HGD: variants seen among roughly 807,000 people sequenced by gnomAD.
The protein encoded by HGD is homogentisate 1,2-dioxygenase.
A neutral mutation model predicts 60.8 loss-of-function variants in HGD; 61 were observed. The ratio of observed to expected loss-of-function variants is 1.00; its 90% confidence interval spans 0.82 to 1.24. HGD has a LOEUF of 1.24. Ranked by LOEUF, HGD falls within the 50% of genes most tolerant of loss-of-function variation. The pLI is 0.00. For missense variants in HGD, 542 were observed against 547.1 expected, an observed-to-expected ratio of 0.99 and a Z score of 0.09; for synonymous variants, 212 against 187.7, an observed-to-expected ratio of 1.13 and a Z score of -1.06.
intron 11 of HGD, among the ~76,000 whole-genome samples, chr3:120,640,328 A>T (rs891700555): frequency 2.0e-5 from 3 of 152,160 alleles, no homozygotes; most frequent in Admixed American, 2.0e-4. Context: ...ATCAAAGTGC[A>T]CAGAGATTTT....
chr3:120,644,451 A>G lies in HGD; in HGVS notation c.650-8T>C, dbSNP rs1941095861. ...TGGCCAAGCCATTGGCCCCTAGAAA[A>G]CAGTAACCCAAAAGTCTTTTAGAAA... On this transcript the variant is annotated splice_region_variant and splice_polypyrimidine_tract_variant and intron_variant, in intron 9 of 13. Coordinates refer to ENST00000283871, the MANE Select transcript of HGD (RefSeq NM_000187.4). 6.2e-7 allele frequency: 1 copy of G among 1,613,942 alleles called. No homozygotes were observed. Among genetic ancestry groups the G allele is most frequent in the African/African-American group, 1.3e-5 (1 of 74,914 alleles).
chr3:120,653,418 G>C (rs895572372), intron 4 of HGD, among the ~76,000 whole-genome samples: 1 of 152,142 alleles, frequency 6.6e-6, no homozygotes, highest in Non-Finnish European at 1.5e-5. Context: ...TTCATGGAGC[G>C]ACCCGCACCC....
intron 4 of HGD, among the ~76,000 whole-genome samples, chr3:120,659,937 A>ACG (rs1941608767): frequency 9.9e-6 from 1 of 101,030 alleles, no homozygotes; most frequent in Non-Finnish European, 2.4e-5. Context: ...CAGGAGCAAG[A>ACG]GAGAGTGGGG....
intron 6 of HGD, among the ~76,000 whole-genome samples, chr3:120,648,442 T>G (rs1941232795): frequency 6.6e-6 from 1 of 152,244 alleles, no homozygotes; most frequent in Non-Finnish European, 1.5e-5. Flanking sequence ...GTCATAGGGC[T>G]GTGATCTTGT....
At chr3:120,641,445 C>G (rs1466513800) in intron 11 of HGD, 144 bp downstream of exon 11, 1 of 694,158 alleles carries the variant, frequency 1.4e-6, no homozygotes, top group African/African-American at 1.8e-5. Context: ...TTATTTACTC[C>G]CTCACCAAAG....
At chr3:120,669,483 A>G (rs186138781) in intron 4 of HGD, among the ~76,000 whole-genome samples, 4 of 148,588 alleles carry the variant, frequency 2.7e-5, no homozygotes, top group South Asian at 4.2e-4. Context: ...ACACACACAC[A>G]CACGCAGACT....
At chr3:120,671,081 G>T (rs1180957167) in intron 3 of HGD, among the ~76,000 whole-genome samples, 1 of 152,114 alleles carries the variant, frequency 6.6e-6, no homozygotes, top group East Asian at 1.9e-4. Context: ...AAGGTAAATG[G>T]CACCTTCGTC....
intron 11 of HGD, among the ~76,000 whole-genome samples, chr3:120,640,217 G>A (rs1359165469): frequency 3.5e-5 from 5 of 144,848 alleles, no homozygotes; most frequent in Non-Finnish European, 7.6e-5. Flanking sequence ...AAAAAAGAAA[G>A]GAAGGACGTG....
intron 11 of HGD, 77 bp from the exon 12 acceptor site, chr3:120,638,658 A>T (rs574281428): frequency 6.5e-7 from 1 of 1,536,098 alleles, no homozygotes; most frequent in African/African-American, 1.4e-5. Flanking sequence ...TCATGCATAC[A>T]TGAAGGTGTT....
At chr3:120,680,764 G>C (rs995306134) in intron 1 of HGD, among the ~76,000 whole-genome samples, 4 of 152,154 alleles carry the variant, frequency 2.6e-5, no homozygotes, top group African/African-American at 9.7e-5. Context: ...AAATTTGGCT[G>C]ACACAGTTTT....
chr3:120,647,991 T>A (rs1404702991), intron 6 of HGD, 80 bp from the exon 7 acceptor site: 4 of 1,147,184 alleles, frequency 3.5e-6, no homozygotes, highest in Non-Finnish European at 5.3e-6. Flanking sequence ...AAATCATTGT[T>A]TAGTGCCTAT....
intron 4 of HGD, among the ~76,000 whole-genome samples, chr3:120,661,701 G>A (rs1373306421): frequency 1.3e-5 from 2 of 152,208 alleles, no homozygotes; most frequent in African/African-American, 4.8e-5. Context: ...GAAGTGAAAT[G>A]TAAGTTGATG....
intron 12 of HGD, 141 bp downstream of exon 12, chr3:120,638,314 C>A: frequency 2.0e-6 from 2 of 1,013,436 alleles, no homozygotes; most frequent in Non-Finnish European, 3.1e-6. Flanking sequence ...GGGATCAGCA[C>A]TAGGCCTTGT....
chr3:120,638,256 G>A (rs1324743131), intron 12 of HGD, among the ~76,000 whole-genome samples, 199 bp downstream of exon 12: 7 of 152,116 alleles, frequency 4.6e-5, no homozygotes, highest in South Asian at 4.1e-4. Flanking sequence ...TTATAGCAAC[G>A]AAGAATGGAC....
intron 4 of HGD, among the ~76,000 whole-genome samples, chr3:120,666,639 C>T (rs1431354406): frequency 2.0e-5 from 3 of 152,100 alleles, no homozygotes; most frequent in Admixed American, 6.5e-5. Flanking sequence ...TGCACCACCA[C>T]ACCTGGCTAA....
chr3:120,670,606 G>T, intron 3 of HGD, 74 bp from the exon 4 acceptor site: 1 of 866,872 alleles, frequency 1.2e-6, no homozygotes, highest in Non-Finnish European at 2.0e-6. Context: ...GGCTCAGGCA[G>T]TACCATCAGG....
intron 4 of HGD, among the ~76,000 whole-genome samples, chr3:120,663,579 G>A (rs375814815): frequency 6.6e-6 from 1 of 152,096 alleles, no homozygotes; most frequent in Non-Finnish European, 1.5e-5. Flanking sequence ...TCTAGTTCAG[G>A]ACCTTGAAGA....
chr3:120,672,383 A>G (rs1708042652), intron 3 of HGD, among the ~76,000 whole-genome samples: 1 of 152,160 alleles, frequency 6.6e-6, no homozygotes, highest in Non-Finnish European at 1.5e-5. Context: ...AAGCTCACTA[A>G]GAGGGACCCA....
chr3:120,675,653 G>GC, intron 2 of HGD, 139 bp downstream of exon 2: 1 of 712,980 alleles, frequency 1.4e-6, no homozygotes, highest in Non-Finnish European at 2.6e-6. Context: ...TATCTTCATT[G>GC]CCCCTATGAC....
Sources: gnomAD v4.1 joint callset for allele counts (sites outside exome capture counted in the v4.1 genomes callset) on GRCh38, gnomAD v4.1.1 for gene constraint, MANE v1.5 for transcripts, NCBI Gene and HGNC (gene_info 2026-07-23, HGNC 2026-07-21) for gene names.